The following ARPC1A variants were observed in gnomAD, a reference collection of about 807,000 sequenced individuals.
The protein encoded by ARPC1A is actin related protein 2/3 complex subunit 1A.
Under a neutral mutation model 46.9 loss-of-function variants are expected in ARPC1A, and 8 were observed. The ratio of observed to expected loss-of-function variants is 0.17; its 90% confidence interval spans 0.10 to 0.31. The LOEUF is 0.31. ARPC1A is among the 10% of genes least tolerant of loss of function. The pLI is 1.00. For missense variants in ARPC1A, 286 were observed against 483.6 expected (o/e 0.59, Z 3.83); for synonymous variants, 152 against 169.0 (o/e 0.90, Z 0.78).
intron 1 of ARPC1A, among the ~76,000 whole-genome samples, chr7:99,328,672 G>A (rs1174108980): frequency 1.3e-5 from 2 of 151,888 alleles, no homozygotes; most frequent in African/African-American, 4.8e-5. Context: ...GGTGGGGGCC[G>A]GGCATGGTGG....
intron 8 of ARPC1A, among the ~76,000 whole-genome samples, chr7:99,362,737 G>T (rs1437071680): frequency 6.6e-6 from 1 of 151,986 alleles, no homozygotes; most frequent in Non-Finnish European, 1.5e-5. Flanking sequence ...TCGGGGAAGA[G>T]GCGGGTAAGT....
chr7:99,353,678 C>T (rs1793584611), intron 5 of ARPC1A, among the ~76,000 whole-genome samples: 1 of 151,212 alleles, frequency 6.6e-6, no homozygotes, highest in Non-Finnish European at 1.5e-5. Flanking sequence ...GGGGTTTCTC[C>T]ATGTTGGTCA....
intron 4 of ARPC1A, among the ~76,000 whole-genome samples, chr7:99,346,686 T>A (rs962217059): frequency 5.9e-5 from 9 of 152,102 alleles, no homozygotes; most frequent in Non-Finnish European, 1.2e-4. Flanking sequence ...ATTAAAAAAA[T>A]TACATTATAA....
At chr7:99,342,798 C>T (rs1793376567) in intron 3 of ARPC1A, among the ~76,000 whole-genome samples, 1 of 145,910 alleles carries the variant, frequency 6.9e-6, no homozygotes, top group South Asian at 2.2e-4. Context: ...TCTCGGCTCA[C>T]TGTAAGCTCC....
In ARPC1A at chr7:99,333,380, G is replaced by T. The variant is rs773132825; in HGVS notation, c.27G>T (p.Glu9Asp). 1.2e-6 allele frequency: 2 copies of T among 1,613,740 alleles called. No individual in the cohort carries two copies. The highest frequency in any genetic ancestry group is 4.5e-5 in the East Asian group (2 of 44,852). ...TGTCACTGCATCAGTTTTTACTAGA[G>T]CCAATCACCTGTCATGCCTGGAACA... Reference protein sequence around the residue: MSLHQFLLEPITCHAWNRD... With the variant: MSLHQFLLDPITCHAWNRD... Residue 9 changes from glutamate to aspartate, a missense_variant, in exon 2 of 10, where the codon GAG (glutamate) becomes GAT (aspartate). By Grantham distance (45) the Glu-to-Asp change is conservative. Coordinates refer to ENST00000262942, the MANE Select transcript of ARPC1A (RefSeq NM_006409.4).
At chr7:99,338,140 G>T (rs1415416497) in intron 2 of ARPC1A, 41 bp from the exon 3 acceptor site, 9 of 1,456,002 alleles carry the variant, frequency 6.2e-6, no homozygotes, top group Admixed American at 3.5e-5. Flanking sequence ...GGTGACAATT[G>T]CAAGTTCAGG....
intron 1 of ARPC1A, among the ~76,000 whole-genome samples, chr7:99,331,557 G>T (rs1449711973): frequency 6.6e-6 from 1 of 152,170 alleles, no homozygotes; most frequent in Non-Finnish European, 1.5e-5. Context: ...AATTCCATAT[G>T]TAATATCTAG....
intron 3 of ARPC1A, among the ~76,000 whole-genome samples, chr7:99,339,373 C>A (rs771986729): frequency 8.6e-5 from 13 of 152,016 alleles, no homozygotes; most frequent in Non-Finnish European, 1.9e-4. Flanking sequence ...CATAATGAGA[C>A]CCCCCGTTAG....
At chr7:99,338,383 T>A (rs1392583209) in intron 3 of ARPC1A, 98 bp downstream of exon 3, 1 of 678,464 alleles carries the variant, frequency 1.5e-6, no homozygotes, top group Non-Finnish European at 2.2e-6. Flanking sequence ...CCATAATTTT[T>A]TTTTTTTTTT....
chr7:99,334,062 G>T, intron 2 of ARPC1A, among the ~76,000 whole-genome samples: 1 of 146,806 alleles, frequency 6.8e-6, no homozygotes, highest in African/African-American at 2.6e-5. Flanking sequence ...TTGAGACAGA[G>T]TCTCGCTTTG....
At chr7:99,332,608 T>G (rs1793161898) in intron 1 of ARPC1A, among the ~76,000 whole-genome samples, 1 of 151,826 alleles carries the variant, frequency 6.6e-6, no homozygotes, top group African/African-American at 2.4e-5. Context: ...AGATAGATTT[T>G]TTTTTTTTTT....
rs181983575 is a variant in ARPC1A at position 99,353,892 on chromosome 7, C to T, written c.501-17C>T. On this transcript the variant is annotated splice_polypyrimidine_tract_variant and intron_variant, in intron 5 of 9. Transcript: ENST00000262942. ...ATTTTCATTTGCTTTTTCCTTTTCT[C>T]TCTGCCCTTTAAACAGAGTGTTTTC... is the stretch of plus-strand genomic sequence containing the variant. 797 of 1,611,062 alleles carry T rather than the reference C, an allele frequency of 4.9e-4. 1 individual carries two copies. The African/African-American group carries it at 8.7e-3, about 18-fold the overall frequency.
intron 4 of ARPC1A, among the ~76,000 whole-genome samples, chr7:99,347,840 AAAAAAG>A: frequency 6.6e-6 from 1 of 152,080 alleles, no homozygotes; most frequent in African/African-American, 2.4e-5. Flanking sequence ...AAAAAAAAAA[AAAAAAG>A]AAAGAAAGTG....
chr7:99,332,866 A>G (rs563098094), intron 1 of ARPC1A, among the ~76,000 whole-genome samples: 1 of 132,350 alleles, frequency 7.6e-6, no homozygotes, highest in South Asian at 2.2e-4. Flanking sequence ...CTCCCAAAGA[A>G]AGTTCTGGGA....
At chr7:99,332,841 C>T (rs1460670569) in intron 1 of ARPC1A, among the ~76,000 whole-genome samples, 1 of 151,472 alleles carries the variant, frequency 6.6e-6, no homozygotes, top group East Asian at 2.0e-4. Context: ...GACCTCGTGA[C>T]CTGCCTGCCT....
chr7:99,338,357 T>A, intron 3 of ARPC1A, 72 bp downstream of exon 3: 10 of 885,866 alleles, frequency 1.1e-5, no homozygotes, highest in Non-Finnish European at 1.1e-5. Flanking sequence ...ATAAAGAGCC[T>A]AATAAACCCA....
intron 9 of ARPC1A, 40 bp from the exon 10 acceptor site, chr7:99,365,851 A>C: frequency 1.9e-6 from 3 of 1,550,116 alleles, no homozygotes; most frequent in Admixed American, 3.8e-5. Context: ...CGGGGTAGAC[A>C]CTCCTCAGTG....
intron 4 of ARPC1A, among the ~76,000 whole-genome samples, chr7:99,348,566 T>A (rs1375511718): frequency 6.6e-6 from 1 of 152,094 alleles, no homozygotes; most frequent in Non-Finnish European, 1.5e-5. Flanking sequence ...AATTAGCCAG[T>A]CTCAGATCAT....
intron 3 of ARPC1A, among the ~76,000 whole-genome samples, chr7:99,342,499 C>T (rs770912317): frequency 2.6e-5 from 4 of 151,726 alleles, no homozygotes; most frequent in African/African-American, 4.8e-5. Flanking sequence ...GAGCTATGAT[C>T]ACGCCACTGC....
Sources: gnomAD v4.1 joint callset for allele counts (sites outside exome capture counted in the v4.1 genomes callset) on GRCh38, gnomAD v4.1.1 for gene constraint, MANE v1.5 for transcripts, NCBI Gene and HGNC (gene_info 2026-07-23, HGNC 2026-07-21) for gene names.